The following AGPAT4 variants were observed in gnomAD, a reference collection of about 807,000 sequenced individuals.
The protein encoded by AGPAT4 is 1-acyl-sn-glycerol-3-phosphate acyltransferase delta.
AGPAT4 carries 15 observed loss-of-function variants against 48.0 expected under a neutral mutation model. The observed-to-expected ratio is 0.31, with a 90% CI of 0.21 to 0.48. AGPAT4 has a LOEUF of 0.48. Ranked by LOEUF, AGPAT4 falls within the 20% of genes least tolerant of loss-of-function variation. The pLI is 0.99. For missense variants in AGPAT4, 314 were observed against 482.5 expected, an observed-to-expected ratio of 0.65 and a Z score of 3.27; for synonymous variants, 178 against 198.7, an observed-to-expected ratio of 0.90 and a Z score of 0.88.
At chr6:161,157,207 CAT>C (rs1268536679) in intron 3 of AGPAT4, among the ~76,000 whole-genome samples, 10 of 152,232 alleles carry the variant, frequency 6.6e-5, no homozygotes, top group Non-Finnish European at 1.3e-4. Flanking sequence ...TTATTGTAAA[CAT>C]ATTTCACAGT....
Position 161,161,821 on chromosome 6 carries a change from T to C in AGPAT4, c.348+4427A>G, listed in dbSNP as rs987405823. The C allele has an allele frequency of 1.1e-5, 3 of 280,778 alleles. No individual in the cohort carries two copies. The highest frequency in any genetic ancestry group is 6.5e-5 in the African/African-American group (3 of 45,996). The allele number at this position is 280,778 out of a possible 1,614,324, so 17.4% of individuals were successfully genotyped here. A position where few individuals can be genotyped will look rare whatever the true frequency, so the allele number is the denominator to read the frequency against. ...GGTATATCAATTGCTATCGTTGTCATGATCGAAAATCCTTCGTTTAAAGAG... is the reference window on the plus strand; with the variant it reads ...GGTATATCAATTGCTATCGTTGTCACGATCGAAAATCCTTCGTTTAAAGAG... On this transcript the variant is annotated intron_variant, in intron 3 of 8. Coordinates refer to ENST00000320285, the MANE Select transcript of AGPAT4 (RefSeq NM_020133.3). This position sits in a 1 kb window ranked among gnomAD's most constrained non-coding sequence, Gnocchi z 4.6.
At position 161,249,689 on chromosome 6, in the gene AGPAT4, A is replaced by C. The variant is rs1310901704; in HGVS notation, c.-89-17387T>G. On this transcript the variant is annotated intron_variant, in intron 1 of 8. Transcript: ENST00000320285. This position sits in a 1 kb window ranked among gnomAD's most constrained non-coding sequence, Gnocchi z 6.2. The stretch of plus-strand genomic sequence containing the variant: ...CATGCTGGTGAGGTTGCAGAGAAAA[A>C]GGAACACATACACCATTGGTGGGAG... 6.6e-6 allele frequency among the ~76,000 whole-genome samples: 1 copy of C among 152,174 alleles called. No homozygotes were observed. The highest frequency in any genetic ancestry group is 1.5e-5 in the Non-Finnish European group (1 of 68,024).
rs142023287 is a variant in AGPAT4 at position 161,267,446 on chromosome 6, G to A, written c.-90+6492C>T. Among the ~76,000 whole-genome samples, 1 of 152,170 alleles carries A rather than the reference G, an allele frequency of 6.6e-6. No individual in the cohort carries two copies. The highest frequency in any genetic ancestry group is 2.4e-5 in the African/African-American group (1 of 41,442). ...TATTAGCTGGGGAACGGGCGCAGTG[G>A]CTCACATCTGTAATCCTAGCACTTT... On this transcript the variant is annotated intron_variant, in intron 1 of 8. Coordinates refer to ENST00000320285, the MANE Select transcript of AGPAT4 (RefSeq NM_020133.3). The surrounding 1 kb of genome is among the most constrained non-coding windows in gnomAD (Gnocchi z 5.2).
At chr6:161,265,158 CTGGGTGCTGAT>C (rs1783214810) in intron 1 of AGPAT4, among the ~76,000 whole-genome samples, 1 of 142,016 alleles carries the variant, frequency 7.0e-6, no homozygotes, top group Admixed American at 7.1e-5. Context: ...CACCGCTGGA[CTGGGTGCTGAT>C]TAGTACCCAC....
chr6:161,166,034 G>A lies in AGPAT4; in HGVS notation c.348+214C>T. On this transcript the variant is annotated intron_variant, in intron 3 of 8. Transcript: ENST00000320285. This position sits in a 1 kb window ranked among gnomAD's most constrained non-coding sequence, Gnocchi z 6.7. ...TGAATCATATGTAAAATGGCCGGCAGGTAGCAATTGTTGAGTACCTCTTAT... is the reference window on the plus strand; with the variant it reads ...TGAATCATATGTAAAATGGCCGGCAAGTAGCAATTGTTGAGTACCTCTTAT... 1 of 645,248 alleles carries A rather than the reference G, an allele frequency of 1.5e-6. No homozygotes were observed. Among genetic ancestry groups the A allele is most frequent in the Non-Finnish European group, 2.7e-6 (1 of 365,088 alleles). The allele number at this position is 645,248 out of a possible 1,614,324, so 40.0% of individuals were successfully genotyped here.
chr6:161,260,858 C>T (rs1056714571), intron 1 of AGPAT4, among the ~76,000 whole-genome samples: 9 of 151,858 alleles, frequency 5.9e-5, no homozygotes, highest in African/African-American at 9.7e-5. Context: ...CACTGCATTC[C>T]GGCCTGGGTG....
Position 161,144,043 on chromosome 6 carries a change from G to A in AGPAT4, c.843+2481C>T, listed in dbSNP as rs1293922648. On this transcript the variant is annotated intron_variant, in intron 7 of 8. Coordinates refer to ENST00000320285, the MANE Select transcript of AGPAT4 (RefSeq NM_020133.3). The surrounding 1 kb of genome is among the most constrained non-coding windows in gnomAD (Gnocchi z 6.6). Reference sequence around the variant, plus strand: ...AAATCCCACTTTGACAAACTGGGTCGGGCACCCAGATTTGGGGCACGTAAA... The same window carrying A: ...AAATCCCACTTTGACAAACTGGGTCAGGCACCCAGATTTGGGGCACGTAAA... The A allele has an allele frequency of 1.9e-5, 9 of 467,240 alleles. No homozygotes were observed. Among genetic ancestry groups the A allele is most frequent in the South Asian group, 6.7e-5 (4 of 60,080 alleles). 28.9% of individuals were successfully genotyped at this position (467,240 alleles called of 1,614,324 possible). A position where few individuals can be genotyped will look rare whatever the true frequency, so the allele number is the denominator to read the frequency against.
Position 161,216,666 on chromosome 6 carries a change from C to A in AGPAT4, c.178+15370G>T, listed in dbSNP as rs1781654439. ...AGGTTTAATTGGACTTACAGTTCCACATGGCTGAGGAGTTCTCACAATCAT... is the reference window on the plus strand; with the variant it reads ...AGGTTTAATTGGACTTACAGTTCCAAATGGCTGAGGAGTTCTCACAATCAT... On this transcript the variant is annotated intron_variant, in intron 2 of 8. Transcript: ENST00000320285. This position sits in a 1 kb window ranked among gnomAD's most constrained non-coding sequence, Gnocchi z 4.8. 6.6e-6 allele frequency among the ~76,000 whole-genome samples: 1 copy of A among 152,228 alleles called. No homozygotes were observed. Among genetic ancestry groups the A allele is most frequent in the Admixed American group, 6.5e-5 (1 of 15,286 alleles).
Position 161,216,731 on chromosome 6 carries a change from G to C in AGPAT4, c.178+15305C>G, listed in dbSNP as rs867246033. Among the ~76,000 whole-genome samples the C allele has an allele frequency of 6.6e-6, 1 of 152,200 alleles. No individual in the cohort carries two copies. The highest frequency in any genetic ancestry group is 2.4e-5 in the African/African-American group (1 of 41,446). ...GGCTCTTCTTAAGCAGCGACAGCAA[G>C]AGAAAATGAGAAAGAAGCAAAAGCG... On this transcript the variant is annotated intron_variant, in intron 2 of 8. Coordinates refer to ENST00000320285, the MANE Select transcript of AGPAT4 (RefSeq NM_020133.3). This position sits in a 1 kb window ranked among gnomAD's most constrained non-coding sequence, Gnocchi z 4.8.
At position 161,244,233 on chromosome 6, in the gene AGPAT4, A is replaced by T. The variant is rs1390844774; in HGVS notation, c.-89-11931T>A. Among the ~76,000 whole-genome samples the T allele has an allele frequency of 1.3e-5, 2 of 152,224 alleles. No homozygotes were observed. Among genetic ancestry groups the T allele is most frequent in the Non-Finnish European group, 2.9e-5 (2 of 68,038 alleles). ...AAGACGCAAAGAACAGGTAGGTCAC[A>T]GTGCCGTCTGCCTCCCGCAAAGAAG... is the stretch of plus-strand genomic sequence containing the variant. On this transcript the variant is annotated intron_variant, in intron 1 of 8. Coordinates refer to ENST00000320285, the MANE Select transcript of AGPAT4 (RefSeq NM_020133.3). The surrounding 1 kb of genome is among the most constrained non-coding windows in gnomAD (Gnocchi z 4.7).
In AGPAT4 at chr6:161,149,225, G is replaced by C; in HGVS notation, c.729C>G (p.Val243=). The stretch of plus-strand genomic sequence containing the variant: ...CTGCATGGTATTTCTTTCCGTTTAG[G>C]ACTCCCAGCAGTGTTGGATTTTCAT... ...RNNENPTLLG[V]LNGKKYHADL... The change falls in exon 6 of 9, where the codon GTC becomes GTG. Residue 243 remains valine (V), a synonymous_variant. Coordinates refer to ENST00000320285, the MANE Select transcript of AGPAT4 (RefSeq NM_020133.3). This position sits in a 1 kb window ranked among gnomAD's most constrained non-coding sequence, Gnocchi z 6.5. 2 of 1,613,584 alleles carry C rather than the reference G, an allele frequency of 1.2e-6. No homozygotes were observed. The highest frequency in any genetic ancestry group is 1.7e-6 in the Non-Finnish European group (2 of 1,179,936).
In AGPAT4 at chr6:161,134,152, C is replaced by T. The variant is rs552977938; in HGVS notation, c.*2388G>A. On this transcript the variant is annotated 3_prime_UTR_variant, in exon 9 of 9. Transcript: ENST00000320285. Reference sequence around the variant, plus strand: ...AAGAGGTCCAGATCTCTCCCCAGCACGCCACATTCTCTTTCGGCTCTAAGG... The same window carrying T: ...AAGAGGTCCAGATCTCTCCCCAGCATGCCACATTCTCTTTCGGCTCTAAGG... The T allele has an allele frequency of 7.2e-5, 11 of 152,290 alleles. No homozygotes were observed. The East Asian group carries it at 1.4e-3, about 19-fold the overall frequency. 9.4% of individuals were successfully genotyped at this position (152,290 alleles called of 1,614,324 possible). A position where few individuals can be genotyped will look rare whatever the true frequency, so the allele number is the denominator to read the frequency against.
intron 4 of AGPAT4, among the ~76,000 whole-genome samples, chr6:161,153,912 T>C (rs1482004756): frequency 6.8e-6 from 1 of 147,392 alleles, no homozygotes; most frequent in Admixed American, 6.7e-5. Context: ...CACACAGCCC[T>C]GGGGTCACAC....
chr6:161,191,624 C>T (rs1053152677), intron 2 of AGPAT4, among the ~76,000 whole-genome samples: 3 of 152,156 alleles, frequency 2.0e-5, no homozygotes, highest in Non-Finnish European at 4.4e-5. Context: ...CTGTCATAGT[C>T]CTGAAGATGT....
In AGPAT4 at chr6:161,232,622, G is replaced by A. The variant is rs1782151281; in HGVS notation, c.-89-320C>T. On this transcript the variant is annotated intron_variant, in intron 1 of 8. Coordinates refer to ENST00000320285, the MANE Select transcript of AGPAT4 (RefSeq NM_020133.3). This position sits in a 1 kb window ranked among gnomAD's most constrained non-coding sequence, Gnocchi z 6.8. The stretch of plus-strand genomic sequence containing the variant: ...CCCCAGCTGGGCAGCAGCTGAGCCA[G>A]CCACGGAGCCCTGGGTCCCACTTGA... Among the ~76,000 whole-genome samples, 1 of 152,186 alleles carries A rather than the reference G, an allele frequency of 6.6e-6. No homozygotes were observed. Among genetic ancestry groups the A allele is most frequent in the Admixed American group, 6.5e-5 (1 of 15,288 alleles).
rs1236681541 is a variant in AGPAT4 at position 161,197,192 on chromosome 6, T to C, written c.179-30775A>G. On this transcript the variant is annotated intron_variant, in intron 2 of 8. Transcript: ENST00000320285. This position sits in a 1 kb window ranked among gnomAD's most constrained non-coding sequence, Gnocchi z 5.7. Reference sequence around the variant, plus strand: ...AAAAAATGAGATAAACCAATGCTTTTCCCTTTGGCCTTCTCCGAACGTTGA... The same window carrying C: ...AAAAAATGAGATAAACCAATGCTTTCCCCTTTGGCCTTCTCCGAACGTTGA... Among the ~76,000 whole-genome samples, 1 of 152,142 alleles carries C rather than the reference T, an allele frequency of 6.6e-6. No individual in the cohort carries two copies. The highest frequency in any genetic ancestry group is 1.5e-5 in the Non-Finnish European group (1 of 68,010).
chr6:161,165,749 A>T lies in AGPAT4; in HGVS notation c.348+499T>A. On this transcript the variant is annotated intron_variant, in intron 3 of 8. Transcript: ENST00000320285. This position sits in a 1 kb window ranked among gnomAD's most constrained non-coding sequence, Gnocchi z 5.5. ...AAAAAAAAAAACAGAATTTCAGAAT[A>T]ATTCTGAATTTTGCAGTTCACTCTC... 1 of 767,298 alleles carries T rather than the reference A, an allele frequency of 1.3e-6. No homozygotes were observed. Among genetic ancestry groups the T allele is most frequent in the Non-Finnish European group, 2.0e-6 (1 of 495,742 alleles). The allele number at this position is 767,298 out of a possible 1,614,324, so 47.5% of individuals were successfully genotyped here.
At chr6:161,163,614 C>T (rs893261015) in intron 3 of AGPAT4, among the ~76,000 whole-genome samples, 7 of 152,214 alleles carry the variant, frequency 4.6e-5, no homozygotes, top group African/African-American at 1.7e-4. Flanking sequence ...CTCCCATCCG[C>T]CCCAGCCAGT....
chr6:161,171,971 T>C lies in AGPAT4; in HGVS notation c.179-5554A>G, dbSNP rs986685670. Among the ~76,000 whole-genome samples, 20 of 152,052 alleles carry C rather than the reference T, an allele frequency of 1.3e-4. No individual in the cohort carries two copies. The highest frequency in any genetic ancestry group is 4.6e-4 in the African/African-American group (19 of 41,424). On this transcript the variant is annotated intron_variant, in intron 2 of 8. Transcript: ENST00000320285. This position sits in a 1 kb window ranked among gnomAD's most constrained non-coding sequence, Gnocchi z 4.4. ...AACTCTGGGGGACACATTCAGAACATAGCATCCCTGAAATATTTACCTTCT... is the reference window on the plus strand; with the variant it reads ...AACTCTGGGGGACACATTCAGAACACAGCATCCCTGAAATATTTACCTTCT...
Sources: allele counts gnomAD v4.1 joint callset (sites outside exome capture counted in the v4.1 genomes callset), GRCh38; gene constraint gnomAD v4.1.1; non-coding constraint Gnocchi (gnomAD v3.1); transcripts MANE v1.5; gene names NCBI Gene and HGNC (gene_info 2026-07-23, HGNC 2026-07-21).